Variants in ESYT2 observed in about 807,000 individuals in gnomAD.
ESYT2 encodes extended synaptotagmin-2.
A neutral mutation model predicts 107.2 loss-of-function variants in ESYT2; 54 were observed. The observed-to-expected ratio is 0.50, with a 90% CI of 0.40 to 0.63. ESYT2 has a LOEUF of 0.63. Among genes scored for constraint, ESYT2 ranks in the 30% least tolerant of loss-of-function variants. The probability of loss-of-function intolerance (pLI) is 0.00; values close to 1 mark genes in which losing one functional copy is unlikely to be tolerated. For missense variants in ESYT2, 1,020 were observed against 1,094.5 expected (o/e 0.93, Z 0.96); for synonymous variants, 491 against 434.1 (o/e 1.13, Z -1.63).
In ESYT2 at chr7:158,790,030, AGTCCTCCTGGGGGCGGAGC is replaced by A. The variant is rs879339055; in HGVS notation, c.585-1632_585-1614del. On this transcript the variant is annotated intron_variant, in intron 4 of 22. Coordinates refer to ENST00000275418, the MANE Select transcript of ESYT2 (RefSeq NM_001367773.1). ...AGCCTGGTATCAGCCCAGTGGGGAG[AGTCCTCCTGGGGGCGGAGC>A]GTCCTCCTGGGGGCGGAGCGTCCTC... 1.6e-3 allele frequency among the ~76,000 whole-genome samples: 183 copies of A among 116,720 alleles called. No homozygotes were observed. In the Middle Eastern group the frequency reaches 0.016, roughly 10 times the overall value. 76.6% of individuals were successfully genotyped at this position (116,720 alleles called of 152,430 possible). A position where few individuals can be genotyped will look rare whatever the true frequency, so the allele number is the denominator to read the frequency against.
At chr7:158,740,475 G>A (rs1248559218) in intron 18 of ESYT2, among the ~76,000 whole-genome samples, 6 of 152,136 alleles carry the variant, frequency 3.9e-5, no homozygotes, top group South Asian at 2.1e-4. Context: ...TGTCCTACCC[G>A]AATTTGCATG....
intron 7 of ESYT2, among the ~76,000 whole-genome samples, chr7:158,771,195 C>G (rs551645967): frequency 6.6e-6 from 1 of 152,292 alleles, no homozygotes; most frequent in South Asian, 2.1e-4. Context: ...TCTCTGACTG[C>G]CCTTTCAGGT....
chr7:158,757,199 A>T (rs957690892), intron 13 of ESYT2, among the ~76,000 whole-genome samples: 1 of 152,190 alleles, frequency 6.6e-6, no homozygotes, highest in African/African-American at 2.4e-5. Context: ...ATAAATACAC[A>T]ATAGTTAAAA....
chr7:158,825,925 C>T (rs925971274), intron 1 of ESYT2, among the ~76,000 whole-genome samples: 3 of 151,750 alleles, frequency 2.0e-5, no homozygotes, highest in Non-Finnish European at 4.4e-5. Context: ...TGGCTCACAC[C>T]TGTAATCCCC....
intron 19 of ESYT2, among the ~76,000 whole-genome samples, chr7:158,738,614 G>C (rs34027025): frequency 0.24 from 35,812 of 151,564 alleles, 5,054 homozygotes; most frequent in East Asian, 0.59. Context: ...ACCACCACAC[G>C]TGGCTAGTTT....
intron 7 of ESYT2, among the ~76,000 whole-genome samples, chr7:158,771,772 G>C (rs1166054355): frequency 6.6e-6 from 1 of 152,202 alleles, no homozygotes; most frequent in Non-Finnish European, 1.5e-5. Flanking sequence ...AGCTAGCTCA[G>C]AGCAGGCAGT....
rs2129471029 is a variant in ESYT2, at chr7:158,733,385, G to A, written c.*822C>T. 1 of 152,300 alleles carries A rather than the reference G, an allele frequency of 6.6e-6. No individual in the cohort carries two copies. Among genetic ancestry groups the A allele is most frequent in the African/African-American group, 2.4e-5 (1 of 41,564 alleles). 9.4% of individuals were successfully genotyped at this position (152,300 alleles called of 1,614,324 possible). The stretch of plus-strand genomic sequence containing the variant: ...CTAACATTGAAAGTCTGCTCTTACA[G>A]TTGAGGAAAAGTACAAGGTGTCTGT... On this transcript the variant is annotated 3_prime_UTR_variant, in exon 23 of 23. Transcript: ENST00000275418.
intron 1 of ESYT2, among the ~76,000 whole-genome samples, chr7:158,828,155 T>A (rs982399654): frequency 2.0e-5 from 3 of 152,174 alleles, no homozygotes; most frequent in African/African-American, 4.8e-5. Context: ...TTATCTAATA[T>A]CTCCACATCT....
In ESYT2 at chr7:158,783,829, C is replaced by T. The variant is rs113973039; in HGVS notation, c.747+4175G>A. Among the ~76,000 whole-genome samples the T allele has an allele frequency of 3.3e-5, 5 of 152,270 alleles. 1 individual carries two copies. The highest frequency in any genetic ancestry group is 9.6e-5 in the African/African-American group (4 of 41,566). On this transcript the variant is annotated intron_variant, in intron 6 of 22. Transcript: ENST00000275418. ...AGGACACTTCCCATGGGGAGGAGCCCGGGAGGAGGCAGCTGCCACTGTAGA... is the reference window on the plus strand; with the variant it reads ...AGGACACTTCCCATGGGGAGGAGCCTGGGAGGAGGCAGCTGCCACTGTAGA...
intron 16 of ESYT2, among the ~76,000 whole-genome samples, chr7:158,747,791 C>A (rs993641284): frequency 2.0e-5 from 3 of 152,138 alleles, no homozygotes; most frequent in Non-Finnish European, 4.4e-5. Context: ...GGAAAGAACC[C>A]AATCTTTTAT....
At chr7:158,758,648 C>T (rs1325624769) in intron 13 of ESYT2, among the ~76,000 whole-genome samples, 2 of 152,106 alleles carry the variant, frequency 1.3e-5, no homozygotes, top group Admixed American at 6.5e-5. Flanking sequence ...AGTCTTTCTT[C>T]CAACAAAAGC....
intron 6 of ESYT2, among the ~76,000 whole-genome samples, chr7:158,781,412 A>G (rs1047829800): frequency 8.0e-6 from 1 of 125,650 alleles, no homozygotes; most frequent in East Asian, 2.0e-4. Flanking sequence ...GTGAGGTGTG[A>G]GTGTAAGAAC....
At chr7:158,778,297 T>C (rs995261365) in intron 6 of ESYT2, among the ~76,000 whole-genome samples, 2 of 152,198 alleles carry the variant, frequency 1.3e-5, no homozygotes, top group African/African-American at 4.8e-5. Context: ...AGTAGCTATG[T>C]GCTATTTTTG....
intron 20 of ESYT2, among the ~76,000 whole-genome samples, 197 bp from the exon 21 acceptor site, chr7:158,735,805 C>A (rs939748838): frequency 1.3e-5 from 2 of 152,158 alleles, no homozygotes; most frequent in African/African-American, 4.8e-5. Flanking sequence ...ATTTCCCACA[C>A]ATAAAAGAAG....
At chr7:158,791,086 C>A (rs924395560) in intron 4 of ESYT2, among the ~76,000 whole-genome samples, 1 of 152,192 alleles carries the variant, frequency 6.6e-6, no homozygotes, top group East Asian at 1.9e-4. Context: ...ACTCTCCCCC[C>A]ATTAAACACT....
chr7:158,824,169 A>C (rs1840369988), intron 1 of ESYT2, among the ~76,000 whole-genome samples: 1 of 152,196 alleles, frequency 6.6e-6, no homozygotes, highest in Non-Finnish European at 1.5e-5. Context: ...CAACGGTCAC[A>C]TCCTTTCCCT....
At position 158,767,641 on chromosome 7, in the gene ESYT2, G is replaced by A. The variant is rs202207032; in HGVS notation, c.924+13C>T. On this transcript the variant is annotated intron_variant, in intron 8 of 22. Coordinates refer to ENST00000275418, the MANE Select transcript of ESYT2 (RefSeq NM_001367773.1). Reference sequence around the variant, plus strand: ...ATGTTTTTAAATGTGAATGGATGCCGGGACACGCTTACCTTTGGTACAGGA... The same window carrying A: ...ATGTTTTTAAATGTGAATGGATGCCAGGACACGCTTACCTTTGGTACAGGA... 74 of 1,605,170 alleles carry A rather than the reference G, an allele frequency of 4.6e-5. No homozygotes were observed. The highest frequency in any genetic ancestry group is 6.0e-5 in the Non-Finnish European group (71 of 1,175,078).
At chr7:158,766,820 T>C (rs1838180169) in intron 8 of ESYT2, among the ~76,000 whole-genome samples, 1 of 152,218 alleles carries the variant, frequency 6.6e-6, no homozygotes, top group Admixed American at 6.5e-5. Context: ...CACTGGCTTC[T>C]GGAGTCCAAA....
chr7:158,763,027 A>G lies in ESYT2; in HGVS notation c.1184+56T>C, dbSNP rs1354936455. 5.5e-6 allele frequency: 7 copies of G among 1,262,264 alleles called. No homozygotes were observed. The Admixed American group carries it at 1.2e-4, about 21-fold the overall frequency. The allele number at this position is 1,262,264 out of a possible 1,614,324, so 78.2% of individuals were successfully genotyped here. On this transcript the variant is annotated intron_variant, in intron 10 of 22. Coordinates refer to ENST00000275418, the MANE Select transcript of ESYT2 (RefSeq NM_001367773.1). The stretch of plus-strand genomic sequence containing the variant: ...ATTTTAAAACATACTTTTGATTATT[A>G]AACAAAAAGACTGACCCCATGCCCT...
Sources: gnomAD v4.1 joint callset for allele counts (sites outside exome capture counted in the v4.1 genomes callset) on GRCh38, gnomAD v4.1.1 for gene constraint, MANE v1.5 for transcripts, NCBI Gene and HGNC (gene_info 2026-07-23, HGNC 2026-07-21) for gene names.